Variants in ZPBP observed in about 807,000 individuals in gnomAD.
ZPBP encodes zona pellucida-binding protein 1.
Under a neutral mutation model 44.8 loss-of-function variants are expected in ZPBP, and 26 were observed. The observed-to-expected ratio is 0.58, with a 90% confidence interval of 0.43 to 0.81. The LOEUF is 0.81. Ranked by LOEUF, ZPBP falls within the 30% of genes least tolerant of loss-of-function variation. The pLI is 0.00. For synonymous variants in ZPBP, 174 were observed against 153.2 expected (o/e 1.14, Z -1.00); for missense variants, 409 against 434.0 (o/e 0.94, Z 0.51).
intron 4 of ZPBP, among the ~76,000 whole-genome samples, chr7:50,050,558 A>G (rs2128824566): frequency 6.6e-6 from 1 of 152,178 alleles, no homozygotes; most frequent in Non-Finnish European, 1.5e-5. Context: ...TGTAAAAAAT[A>G]AAAGCAATAA....
chr7:49,983,529 A>G lies in ZPBP; in HGVS notation c.784-10T>C, dbSNP rs188448959. ...CTATGAGATTTTTAGCCTAAAACAT[A>G]AATACAATTTGATAAACTGTTAGCC... On this transcript the variant is annotated splice_polypyrimidine_tract_variant and intron_variant, in intron 6 of 7. Coordinates refer to ENST00000046087, the MANE Select transcript of ZPBP (RefSeq NM_007009.3). 56 of 1,509,612 alleles carry G rather than the reference A, an allele frequency of 3.7e-5. 1 individual carries two copies. The East Asian group carries it at 1.2e-3, about 33-fold the overall frequency. The allele number at this position is 1,509,612 out of a possible 1,614,324, so 93.5% of individuals were successfully genotyped here.
intron 6 of ZPBP, among the ~76,000 whole-genome samples, chr7:50,012,255 G>A (rs940561843): frequency 4.0e-5 from 6 of 151,880 alleles, no homozygotes; most frequent in African/African-American, 1.5e-4. Flanking sequence ...AAATGAACAG[G>A]AAAATCCAAA....
At chr7:49,980,357 T>C (rs1419736862) in intron 7 of ZPBP, among the ~76,000 whole-genome samples, 2 of 139,796 alleles carry the variant, frequency 1.4e-5, no homozygotes, top group African/African-American at 2.6e-5. Context: ...AATATAAAAA[T>C]TAATTTTTCA....
chr7:49,848,812 CA>C (rs1343464208), downstream of ZPBP, among the ~76,000 whole-genome samples: 4 of 152,134 alleles, frequency 2.6e-5, no homozygotes, highest in Non-Finnish European at 5.9e-5. Flanking sequence ...TGCCACAATT[CA>C]AATACACTTT....
rs562335100 is a variant in ZPBP at position 49,980,560 on chromosome 7, C to G, written c.961+2782G>C. 3.1e-3 allele frequency among the ~76,000 whole-genome samples: 468 copies of G among 151,756 alleles called. 2 individuals are homozygous for G. The highest frequency in any genetic ancestry group is 0.011 in the African/African-American group (451 of 41,404). ...GTGAGGGCCTCGGGCTGCTTCCACC[C>G]ATGGCAGAAGGTGAAAGGCAGCCTG... On this transcript the variant is annotated intron_variant, in intron 7 of 7. Coordinates refer to ENST00000046087, the MANE Select transcript of ZPBP (RefSeq NM_007009.3).
chr7:49,878,940 C>T (rs1362448351), intron 2 of ZPBP, among the ~76,000 whole-genome samples: 1 of 152,124 alleles, frequency 6.6e-6, no homozygotes, highest in Non-Finnish European at 1.5e-5. Flanking sequence ...CTGTTTGTCC[C>T]TTTACAGAAA....
At chr7:50,046,679 AC>A (rs1478066320) in intron 4 of ZPBP, among the ~76,000 whole-genome samples, 1 of 152,154 alleles carries the variant, frequency 6.6e-6, no homozygotes. Context: ...AAATAGGAAC[AC>A]TTTTACACTG....
At chr7:49,929,606 G>A (rs138249366) in intron 1 of ZPBP, among the ~76,000 whole-genome samples, 7 of 152,130 alleles carry the variant, frequency 4.6e-5, no homozygotes, top group Admixed American at 4.6e-4. Flanking sequence ...GATGAGTTTT[G>A]CTTTCCTCCA....
chr7:50,001,133 C>T (rs903487096), intron 6 of ZPBP, among the ~76,000 whole-genome samples: 1 of 152,176 alleles, frequency 6.6e-6, no homozygotes, highest in African/African-American at 2.4e-5. Flanking sequence ...TAAATTTATA[C>T]TGTTTAAGCC....
At chr7:49,980,257 CATATAATATAAATATATAATAT>C (rs1441508606) in intron 7 of ZPBP, among the ~76,000 whole-genome samples, 24 of 108,820 alleles carry the variant, frequency 2.2e-4, no homozygotes, top group Middle Eastern at 6.6e-3. Flanking sequence ...ATATATAATA[CATATAATATAAATATATAATAT>C]ATATAATATA....
chr7:50,074,287 C>T (rs911972491), intron 3 of ZPBP, among the ~76,000 whole-genome samples: 3 of 151,556 alleles, frequency 2.0e-5, no homozygotes, highest in African/African-American at 7.3e-5. Context: ...ACAATGGATA[C>T]ACAAAAAATA....
In ZPBP at chr7:49,987,462, A is replaced by G. The variant is rs552052938; in HGVS notation, c.784-3943T>C. On this transcript the variant is annotated intron_variant, in intron 6 of 7. Coordinates refer to ENST00000046087, the MANE Select transcript of ZPBP (RefSeq NM_007009.3). ...CCTTGGGAAAAACAGAAAAGGTGCCACAAATTCCATTTTGGGAGAGACCTC... is the reference window on the plus strand; with the variant it reads ...CCTTGGGAAAAACAGAAAAGGTGCCGCAAATTCCATTTTGGGAGAGACCTC... 7.9e-5 allele frequency among the ~76,000 whole-genome samples: 12 copies of G among 152,308 alleles called. No homozygotes were observed. The East Asian group carries it at 1.7e-3, about 22-fold the overall frequency.
chr7:50,019,303 T>C (rs1042385352), intron 5 of ZPBP, among the ~76,000 whole-genome samples: 1 of 152,264 alleles, frequency 6.6e-6, no homozygotes, highest in Non-Finnish European at 1.5e-5. Context: ...TGCTCTATGA[T>C]GCCTGTGTAC....
At chr7:49,891,602 A>C (rs74926326) in intron 2 of ZPBP, among the ~76,000 whole-genome samples, 3,711 of 152,294 alleles carry the variant, frequency 0.024, 68 homozygotes, top group Middle Eastern at 0.051. Context: ...AGGGTCGATA[A>C]AATATAACAA....
At chr7:49,987,282 T>C (rs897145259) in intron 6 of ZPBP, among the ~76,000 whole-genome samples, 6 of 152,200 alleles carry the variant, frequency 3.9e-5, no homozygotes, top group Non-Finnish European at 7.3e-5. Flanking sequence ...GTTATAAGTA[T>C]ATTTAAAAGG....
At chr7:49,966,574 C>T (rs570567853) in intron 7 of ZPBP, among the ~76,000 whole-genome samples, 19 of 152,164 alleles carry the variant, frequency 1.2e-4, no homozygotes, top group African/African-American at 3.4e-4. Flanking sequence ...AATTAAATGC[C>T]ACTCTTCTAA....
chr7:49,931,947 G>T (rs970482071), intron 1 of ZPBP, among the ~76,000 whole-genome samples: 2 of 152,254 alleles, frequency 1.3e-5, no homozygotes, highest in Admixed American at 1.3e-4. Context: ...TCAGGTCACT[G>T]CTTCAGAGGG....
At chr7:49,896,881 A>ATTTTTT (rs36066373) in intron 2 of ZPBP, among the ~76,000 whole-genome samples, 2 of 95,048 alleles carry the variant, frequency 2.1e-5, no homozygotes, top group East Asian at 3.4e-4. Flanking sequence ...TGGATTGATA[A>ATTTTTT]TTTTTTTTTT....
chr7:50,011,194 A>T (rs1313980442), intron 6 of ZPBP, among the ~76,000 whole-genome samples: 1 of 152,192 alleles, frequency 6.6e-6, no homozygotes, highest in African/African-American at 2.4e-5. Flanking sequence ...CTCATCTCTC[A>T]CCTTATACAA....
Sources: allele counts gnomAD v4.1 joint callset (sites outside exome capture counted in the v4.1 genomes callset), GRCh38; gene constraint gnomAD v4.1.1; transcripts MANE v1.5; gene names NCBI Gene and HGNC (gene_info 2026-07-23, HGNC 2026-07-21).